LRRTM4: variants seen among roughly 807,000 people sequenced by gnomAD.
The protein encoded by LRRTM4 is leucine-rich repeat transmembrane neuronal protein 4.
In LRRTM4, 25 loss-of-function variants were observed where a neutral mutation model predicts 47.6. That is an observed-to-expected ratio of 0.53 (90% CI 0.38 to 0.73). The LOEUF is 0.73. LRRTM4 is among the 30% of genes least tolerant of loss of function. LRRTM4 has a pLI of 0.00. For synonymous variants in LRRTM4, 311 were observed against 269.5 expected (o/e 1.15, Z -1.51); for missense variants, 638 against 713.4 (o/e 0.89, Z 1.20).
At chr2:77,482,712 T>C (rs759745369) in intron 3 of LRRTM4, among the ~76,000 whole-genome samples, 50 of 152,208 alleles carry the variant, frequency 3.3e-4, no homozygotes, top group Non-Finnish European at 5.7e-4. Context: ...TTTTTAAATG[T>C]CCTTAACTCC....
rs544826933 is a variant in LRRTM4, at chr2:76,841,169, G to A, written c.1552-92253C>T. On this transcript the variant is annotated intron_variant, in intron 3 of 3. Coordinates refer to ENST00000409884, the MANE Select transcript of LRRTM4 (RefSeq NM_001134745.3). ...AAACCACCATTCTCAGCAAGCTATC[G>A]CAAGGACAAAAAACCAAACACTGCA... Among the ~76,000 whole-genome samples the A allele has an allele frequency of 2.6e-3, 395 of 151,322 alleles. 1 individual carries two copies. Among genetic ancestry groups the A allele is most frequent in the African/African-American group, 8.5e-3 (349 of 41,036 alleles).
At chr2:77,440,379 A>C (rs1482997491) in intron 3 of LRRTM4, among the ~76,000 whole-genome samples, 1 of 152,070 alleles carries the variant, frequency 6.6e-6, no homozygotes, top group Non-Finnish European at 1.5e-5. Context: ...GTGCCACTGC[A>C]CTCCAGCCAG....
chr2:77,147,689 T>G (rs1472908077), intron 3 of LRRTM4, among the ~76,000 whole-genome samples: 2 of 152,210 alleles, frequency 1.3e-5, no homozygotes, highest in Admixed American at 6.5e-5. Context: ...ATTGATGGCT[T>G]CATTTAAAAC....
At chr2:77,459,004 C>G (rs1676672875) in intron 3 of LRRTM4, among the ~76,000 whole-genome samples, 1 of 151,838 alleles carries the variant, frequency 6.6e-6, no homozygotes, top group Non-Finnish European at 1.5e-5. Context: ...TGTGGATTTT[C>G]AAAATGTTTA....
At chr2:76,755,278 C>T (rs188708041) in intron 3 of LRRTM4, among the ~76,000 whole-genome samples, 187 of 152,182 alleles carry the variant, frequency 1.2e-3, no homozygotes, top group Middle Eastern at 3.4e-3. Context: ...TAAGACAGCT[C>T]CCAGACAACT....
intron 3 of LRRTM4, among the ~76,000 whole-genome samples, chr2:76,924,216 A>T (rs1023876397): frequency 3.9e-5 from 6 of 152,252 alleles, no homozygotes; most frequent in Middle Eastern, 3.4e-3. Context: ...TTTAAAACTA[A>T]AGCAAAAAAT....
intron 3 of LRRTM4, among the ~76,000 whole-genome samples, chr2:77,100,805 A>C (rs1670932209): frequency 6.6e-6 from 1 of 151,936 alleles, no homozygotes; most frequent in South Asian, 2.1e-4. Flanking sequence ...GATCATACAG[A>C]AATATGTTCA....
intron 3 of LRRTM4, among the ~76,000 whole-genome samples, chr2:77,139,771 CAA>C (rs1267115572): frequency 3.9e-5 from 6 of 152,140 alleles, no homozygotes; most frequent in African/African-American, 1.2e-4. Flanking sequence ...GCAACTTCAG[CAA>C]AGTCTCAGGA....
intron 3 of LRRTM4, among the ~76,000 whole-genome samples, chr2:77,293,468 A>G (rs904017135): frequency 6.6e-6 from 1 of 152,130 alleles, no homozygotes; most frequent in Non-Finnish European, 1.5e-5. Context: ...GGAACCACTA[A>G]AATAATAAAG....
intron 3 of LRRTM4, among the ~76,000 whole-genome samples, chr2:77,121,060 A>G (rs1671509247): frequency 6.6e-6 from 1 of 151,808 alleles, no homozygotes; most frequent in Non-Finnish European, 1.5e-5. Flanking sequence ...CGAGAGGATG[A>G]ATAAGACAAG....
chr2:77,497,358 T>G (rs1025208777), intron 3 of LRRTM4, among the ~76,000 whole-genome samples: 3 of 95,864 alleles, frequency 3.1e-5, no homozygotes, highest in African/African-American at 9.1e-5. Context: ...ATTTGCTCTG[T>G]TTTTTTTTAG....
chr2:77,386,015 C>T (rs1461532867), intron 3 of LRRTM4, among the ~76,000 whole-genome samples: 3 of 151,856 alleles, frequency 2.0e-5, no homozygotes, highest in Non-Finnish European at 4.4e-5. Context: ...CCTCGGCCTC[C>T]CAAAGTGCTG....
intron 3 of LRRTM4, among the ~76,000 whole-genome samples, chr2:77,132,333 TTA>T (rs1671824083): frequency 6.6e-6 from 1 of 152,222 alleles, no homozygotes; most frequent in Admixed American, 6.5e-5. Context: ...TTATTCTTTT[TTA>T]TGATTAAATA....
intron 3 of LRRTM4, among the ~76,000 whole-genome samples, chr2:77,049,386 T>C (rs1679351181): frequency 1.3e-5 from 2 of 151,664 alleles, no homozygotes; most frequent in Non-Finnish European, 2.9e-5. Flanking sequence ...CTGCTTTCTA[T>C]AATGGCTGTG....
intron 3 of LRRTM4, among the ~76,000 whole-genome samples, chr2:76,942,676 C>CTGTGTGTGTGTGTGTTTGTG (rs1675189821): frequency 6.7e-6 from 1 of 148,208 alleles, no homozygotes; most frequent in African/African-American, 2.5e-5. Flanking sequence ...CTCTAGGAAT[C>CTGTGTGTGTGTGTGTTTGTG]TGTGTGTGTG....
chr2:77,458,512 G>A (rs1361509632), intron 3 of LRRTM4, among the ~76,000 whole-genome samples: 12 of 152,034 alleles, frequency 7.9e-5, no homozygotes, highest in South Asian at 4.1e-4. Flanking sequence ...GGGTTGTCCC[G>A]TGGAATTGAC....
chr2:76,935,037 G>A (rs11126575), intron 3 of LRRTM4, among the ~76,000 whole-genome samples: 87,320 of 150,920 alleles, frequency 0.58, 26,959 homozygotes, highest in African/African-American at 0.81. Flanking sequence ...TCTGAGTTCA[G>A]TATCATTTCA....
intron 3 of LRRTM4, among the ~76,000 whole-genome samples, chr2:77,057,194 C>T (rs1679637978): frequency 6.6e-6 from 1 of 152,046 alleles, no homozygotes; most frequent in Non-Finnish European, 1.5e-5. Context: ...GATTACCAGA[C>T]ATTTATGCTT....
At chr2:77,309,124 A>C (rs1677374416) in intron 3 of LRRTM4, among the ~76,000 whole-genome samples, 1 of 152,210 alleles carries the variant, frequency 6.6e-6, no homozygotes, top group South Asian at 2.1e-4. Flanking sequence ...GAAATAGAGC[A>C]ACTTTATGAC....
Sources: gnomAD v4.1 joint callset for allele counts (sites outside exome capture counted in the v4.1 genomes callset) on GRCh38, gnomAD v4.1.1 for gene constraint, MANE v1.5 for transcripts, NCBI Gene and HGNC (gene_info 2026-07-23, HGNC 2026-07-21) for gene names.